Variants in ACTN3 observed in about 807,000 individuals in gnomAD.
ACTN3 encodes the protein alpha-actinin-3.
ACTN3 carries 91 observed loss-of-function variants against 119.6 expected under a neutral mutation model. The ratio of observed to expected loss-of-function variants is 0.76; its 90% CI spans 0.64 to 0.91. ACTN3 has a LOEUF of 0.91. Among genes scored for constraint, ACTN3 ranks in the 40% least tolerant of loss-of-function variants. The pLI is 0.00. For missense variants in ACTN3, 1,221 were observed against 1,215.1 expected, an observed-to-expected ratio of 1.00 and a Z score of -0.07; for synonymous variants, 456 against 478.8, an observed-to-expected ratio of 0.95 and a Z score of 0.62.
intron 17 of ACTN3, 155 bp from the exon 18 acceptor site, chr11:66,561,867 T>C (rs76371571): frequency 4.3e-6 from 1 of 231,896 alleles, no homozygotes; most frequent in East Asian, 3.4e-4. Flanking sequence ...ACTGCTGGGG[T>C]GGGGGTGGGT....
At chr11:66,561,687 G>C (rs1857773386) in intron 17 of ACTN3, 50 bp downstream of exon 17, 6 of 1,562,612 alleles carry the variant, frequency 3.8e-6, no homozygotes, top group Non-Finnish European at 5.2e-6. Flanking sequence ...TGGCTGAGGA[G>C]GCCCAGGGAG....
At chr11:66,562,693 T>C in intron 19 of ACTN3, 103 bp from the exon 20 acceptor site, 3 of 1,314,804 alleles carry the variant, frequency 2.3e-6, no homozygotes, top group South Asian at 2.9e-5. Context: ...CCCTTGTTAC[T>C]GGGGCTCTGC....
At position 66,561,242 on chromosome 11, in the gene ACTN3, C is replaced by A; in HGVS notation, c.1876C>A (p.Pro626Thr). The change falls in exon 16 of 21, where the codon CCC becomes ACC. Residue 626 changes from proline (P) to threonine (T), a missense_variant. By Grantham distance (38) the Pro-to-Thr change is conservative (BLOSUM62 -1). Around this residue, in one of 3 missense-constraint regions of ACTN3, gnomAD observed 934 missense variants for 899.9 expected, o/e 1.04. Coordinates refer to ENST00000513398, the MANE Select transcript of ACTN3 (RefSeq NM_001104.4). ...CTCCTCCCAGGTCCGAAAGCTGGTG[C>A]CCAGCTGTGACCAGACACTGCAGGA... is the stretch of plus-strand genomic sequence containing the variant. Reference protein sequence around the residue: ...TKWDMVRKLVPSCDQTLQEEL... With the variant: ...TKWDMVRKLVTSCDQTLQEEL... 1.3e-6 allele frequency: 2 copies of A among 1,581,952 alleles called. No homozygotes were observed. Among genetic ancestry groups the A allele is most frequent in the Admixed American group, 1.8e-5 (1 of 55,644 alleles).
At chr11:66,553,106 C>G (rs1857512861) in intron 3 of ACTN3, among the ~76,000 whole-genome samples, 2 of 149,448 alleles carry the variant, frequency 1.3e-5, no homozygotes, top group South Asian at 4.3e-4. Context: ...ATACAAAAAT[C>G]AGCTGAGCAT....
chr11:66,561,234 A>G lies in ACTN3; in HGVS notation c.1868A>G (p.Lys623Arg). The G allele has an allele frequency of 6.4e-7, 1 of 1,571,364 alleles. No homozygotes were observed. Among genetic ancestry groups the G allele is most frequent in the East Asian group, 2.3e-5 (1 of 43,438 alleles). Residue 623 changes from lysine (K) to arginine (R), a missense_variant, in exon 16 of 21, where the codon AAG (lysine) becomes AGG (arginine). Lys to Arg is a conservative substitution (Grantham distance 26). Around this residue, in one of 3 missense-constraint regions of ACTN3, gnomAD observed 934 missense variants for 899.9 expected, o/e 1.04. Transcript: ENST00000513398. ...TAACTGCCCTCCTCCCAGGTCCGAA[A>G]GCTGGTGCCCAGCTGTGACCAGACA... is the stretch of plus-strand genomic sequence containing the variant. Reference protein sequence around the residue: ...DINTKWDMVRKLVPSCDQTLQ... With the variant: ...DINTKWDMVRRLVPSCDQTLQ...
At chr11:66,560,950 T>C (rs1857745040) in intron 15 of ACTN3, among the ~76,000 whole-genome samples, 195 bp downstream of exon 15, 1 of 152,208 alleles carries the variant, frequency 6.6e-6, no homozygotes. Flanking sequence ...ACAGCAGCAT[T>C]CTCCTGTCAG....
In ACTN3 at chr11:66,555,183, T is replaced by C. The variant is rs1263672610; in HGVS notation, c.611T>C (p.Leu204Pro). The change falls in exon 6 of 21, where the codon CTC becomes CCC. Residue 204 changes from leucine (L) to proline (P), a missense_variant. This residue lies in a region of ACTN3 where 48 missense variants were observed against 83.4 expected (regional missense o/e 0.58). Transcript: ENST00000513398. ...CALIHRHRPD[L>P]IDYAKLRKDD... ...CTCATCCACCGACACCGCCCTGACC[T>C]CATCGACTACGCCAAACTGCGAAAG... 1 of 1,613,570 alleles carries C rather than the reference T, an allele frequency of 6.2e-7. No individual in the cohort carries two copies. The highest frequency in any genetic ancestry group is 1.3e-5 in the African/African-American group (1 of 74,746).
chr11:66,559,434 C>G (rs1221939668), intron 12 of ACTN3, 48 bp downstream of exon 12: 12 of 1,412,024 alleles, frequency 8.5e-6, no homozygotes, highest in Non-Finnish European at 9.2e-6. Flanking sequence ...CGGCCCCGCC[C>G]CCGGTGGCGA....
chr11:66,557,101 T>C (rs1857606180), intron 8 of ACTN3, 32 bp from the exon 9 acceptor site: 1 of 1,548,056 alleles, frequency 6.5e-7, no homozygotes, highest in Non-Finnish European at 8.7e-7. Context: ...CAATTTGCTT[T>C]AATGCCAGCC....
In ACTN3 at chr11:66,560,690, C is replaced by T. The variant is rs761392416; in HGVS notation, c.1795C>T (p.Arg599Trp). 1.8e-5 allele frequency: 29 copies of T among 1,613,916 alleles called. No homozygotes were observed. The highest frequency in any genetic ancestry group is 5.0e-5 in the Admixed American group (3 of 60,022). Reference protein sequence around the residue: ...IQKICQTYGLRPCSTNPYITL... With the variant: ...IQKICQTYGLWPCSTNPYITL... ...GAAGATCTGCCAGACGTATGGGCTGCGGCCCTGCTCCACCAATCCCTACAT... is the reference window on the plus strand; with the variant it reads ...GAAGATCTGCCAGACGTATGGGCTGTGGCCCTGCTCCACCAATCCCTACAT... The change falls in exon 15 of 21, where the codon CGG becomes TGG. Residue 599 changes from arginine to tryptophan, a missense_variant. By Grantham distance (101) the Arg-to-Trp change is moderately radical. Transcript: ENST00000513398.
intron 11 of ACTN3, among the ~76,000 whole-genome samples, chr11:66,558,609 C>A (rs984745804): frequency 1.3e-5 from 2 of 152,124 alleles, no homozygotes; most frequent in African/African-American, 4.8e-5. Flanking sequence ...CTCGAGTGAT[C>A]CACCCACCTC....
chr11:66,562,987 T>C (rs1175130890), intron 20 of ACTN3, 33 bp downstream of exon 20: 12 of 1,609,052 alleles, frequency 7.5e-6, no homozygotes, highest in African/African-American at 1.3e-5. Flanking sequence ...GCTGGTGGGC[T>C]AGGGCAGGGC....
Position 66,561,299 on chromosome 11 carries a change from C to T in ACTN3, c.1933C>T (p.Leu645Phe). Residue 645 changes from leucine (L) to phenylalanine (F), a missense_variant, in exon 16 of 21, where the codon CTC becomes TTC. By Grantham distance (22) the Leu-to-Phe change is conservative. Coordinates refer to ENST00000513398, the MANE Select transcript of ACTN3 (RefSeq NM_001104.4). The stretch of plus-strand genomic sequence containing the variant: ...GGCACGGCAGCAGGTAAACGAGAGG[C>T]TCCGGCGACAGTTTGCGGCCCAGGC... The part of the protein sequence containing the change: ...ELARQQVNER[L>F]RRQFAAQANA... The T allele has an allele frequency of 6.2e-7, 1 of 1,609,630 alleles. No homozygotes were observed. Among genetic ancestry groups the T allele is most frequent in the South Asian group, 1.1e-5 (1 of 90,200 alleles).
rs774446289 is a variant in ACTN3 at position 66,562,103 on chromosome 11, G to A, written c.2257G>A (p.Asp753Asn). 6.2e-7 allele frequency: 1 copy of A among 1,614,062 alleles called. No individual in the cohort carries two copies. Among genetic ancestry groups the A allele is most frequent in the African/African-American group, 1.3e-5 (1 of 75,050 alleles). The change falls in exon 18 of 21, where the codon GAC becomes AAC. Residue 753 changes from aspartate (D) to asparagine (N), a missense_variant. Asp to Asn is a conservative substitution (Grantham distance 23). This residue lies in a region of ACTN3 where 934 missense variants were observed against 899.9 expected (regional missense o/e 1.04). Transcript: ENST00000513398. The stretch of plus-strand genomic sequence containing the variant: ...AGTGGAGAACCAGGTACTGACCCGA[G>A]ACGCCAAGGGACTGAGCCAGGAGCA... ...NEVENQVLTR[D>N]AKGLSQEQLN... is the part of the protein sequence containing the mutation.
At chr11:66,546,512 T>C (rs1035974529), upstream of ACTN3, 4 of 1,533,060 alleles carry the variant, frequency 2.6e-6, no homozygotes, top group African/African-American at 4.1e-5. Flanking sequence ...GACTGTGAAA[T>C]GGGGATAGGG....
intron 4 of ACTN3, 134 bp from the exon 5 acceptor site, chr11:66,554,402 G>A (rs1857545147): frequency 5.7e-6 from 4 of 707,806 alleles, no homozygotes; most frequent in Non-Finnish European, 9.1e-6. Context: ...AGGCTGCGGT[G>A]AGCCATGATC....
At position 66,558,076 on chromosome 11, in the gene ACTN3, A is replaced by C. The variant is rs1252013062; in HGVS notation, c.1178A>C (p.Glu393Ala). Residue 393 changes from glutamate to alanine, a missense_variant, in exon 11 of 21, where the codon GAG becomes GCG. Glu to Ala is a moderately radical substitution (Grantham distance 107). Around this residue, in one of 3 missense-constraint regions of ACTN3, gnomAD observed 934 missense variants for 899.9 expected, o/e 1.04. Transcript: ENST00000513398. ...CTGGAGCAGGTGGAAAAGGGCTATG[A>C]GGACTGGCTGCTCTCGGAGATCCGG... ...RGLEQVEKGY[E>A]DWLLSEIRRL... is the part of the protein sequence containing the mutation. 2.5e-6 allele frequency: 4 copies of C among 1,613,774 alleles called. No individual in the cohort carries two copies. In the Admixed American group the frequency reaches 6.7e-5, roughly 27 times the overall value.
At chr11:66,555,250 G>A in intron 6 of ACTN3, 36 bp from the exon 7 acceptor site, 1 of 1,613,986 alleles carries the variant, frequency 6.2e-7, no homozygotes, top group South Asian at 1.1e-5. Flanking sequence ...TCTGCCTGCA[G>A]CTGACCTTTC....
intron 12 of ACTN3, 119 bp from the exon 13 acceptor site, chr11:66,559,849 C>G (rs1358223588): frequency 3.2e-5 from 33 of 1,018,162 alleles, no homozygotes; most frequent in Non-Finnish European, 4.4e-5. Flanking sequence ...TTACCCACCA[C>G]CTGCCCTGGC....
Sources: gnomAD v4.1 joint callset for allele counts (sites outside exome capture counted in the v4.1 genomes callset) on GRCh38, gnomAD v4.1.1 for gene constraint, gnomAD v4.1.1 regional missense constraint, MANE v1.5 for transcripts, NCBI Gene and HGNC (gene_info 2026-07-23, HGNC 2026-07-21) for gene names.